GALNTL6: variants seen among roughly 807,000 people sequenced by gnomAD.
GALNTL6 encodes the protein polypeptide N-acetylgalactosaminyltransferase-like 6.
A neutral mutation model predicts 73.7 loss-of-function variants in GALNTL6; 46 were observed. The ratio of observed to expected loss-of-function variants is 0.62; its 90% CI spans 0.49 to 0.80. The LOEUF is 0.80. GALNTL6 is among the 30% of genes least tolerant of loss of function. The pLI, the probability that GALNTL6 is intolerant of heterozygous loss-of-function variation, is 0.00. For missense variants in GALNTL6, 604 were observed against 755.0 expected (o/e 0.80, Z 2.34); for synonymous variants, 259 against 263.7 (o/e 0.98, Z 0.17).
chr4:172,252,664 TATC>T (rs780926640), intron 3 of GALNTL6, among the ~76,000 whole-genome samples: 3 of 152,258 alleles, frequency 2.0e-5, no homozygotes, highest in South Asian at 4.1e-4. Context: ...CATGTCATCT[TATC>T]ATGGATGGAG....
chr4:172,895,676 C>T (rs1270704079), intron 8 of GALNTL6, among the ~76,000 whole-genome samples: 1 of 152,058 alleles, frequency 6.6e-6, no homozygotes, highest in Non-Finnish European at 1.5e-5. Context: ...GTTTGGAAAG[C>T]TCTTTGTTAT....
intron 2 of GALNTL6, among the ~76,000 whole-genome samples, chr4:172,141,997 C>T (rs571025028): frequency 6.6e-6 from 1 of 151,768 alleles, no homozygotes; most frequent in South Asian, 2.1e-4. Flanking sequence ...CTGAAAGAAT[C>T]AGTGTACACA....
At chr4:172,057,729 T>A (rs370935544) in intron 2 of GALNTL6, among the ~76,000 whole-genome samples, 152 of 72,274 alleles carry the variant, frequency 2.1e-3, no homozygotes, top group African/African-American at 8.6e-3. Flanking sequence ...AAAAAAAAAA[T>A]ATATATATAT....
intron 12 of GALNTL6, among the ~76,000 whole-genome samples, chr4:173,032,407 T>C (rs372732282): frequency 6.3e-4 from 94 of 149,164 alleles, no homozygotes; most frequent in East Asian, 3.5e-3. Context: ...GCCGAGATCG[T>C]GCCACTGCAC....
At position 172,753,968 on chromosome 4, in the gene GALNTL6, T is replaced by G. The variant is rs150098435; in HGVS notation, c.554-55393T>G. Among the ~76,000 whole-genome samples, 203 of 152,132 alleles carry G rather than the reference T, an allele frequency of 1.3e-3. 1 individual carries two copies. Among genetic ancestry groups the G allele is most frequent in the African/African-American group, 4.6e-3 (193 of 41,514 alleles). ...AGGTATAGGAGAGAGGAGGGAAGAATAGATTTGGGTTGAATTTAGAGATTC... is the reference window on the plus strand; with the variant it reads ...AGGTATAGGAGAGAGGAGGGAAGAAGAGATTTGGGTTGAATTTAGAGATTC... On this transcript the variant is annotated intron_variant, in intron 5 of 12. Transcript: ENST00000506823.
rs1196230839 is a variant in GALNTL6 at position 172,487,357 on chromosome 4, TC to T, written c.553+138670del. Among the ~76,000 whole-genome samples the T allele has an allele frequency of 2.2e-4, 24 of 110,526 alleles. No individual in the cohort carries two copies. In the East Asian group the frequency reaches 4.4e-3, roughly 20 times the overall value. 72.5% of individuals were successfully genotyped at this position (110,526 alleles called of 152,430 possible). ...TTCTTTCTTTCTTTCTTTCTTTCTT[TC>T]CTTCTTTCCTTCTTTTCTTTTCTTT... On this transcript the variant is annotated intron_variant, in intron 5 of 12. Transcript: ENST00000506823.
Position 172,171,917 on chromosome 4 carries a change from T to C in GALNTL6, c.139-57739T>C, listed in dbSNP as rs544827655. 1.1e-4 allele frequency among the ~76,000 whole-genome samples: 17 copies of C among 152,278 alleles called. 1 individual carries two copies. The South Asian group carries it at 3.5e-3, about 32-fold the overall frequency. ...GCCCCAAAAGTTTTGTAGCCATCCATGTAGCCCAGCTCAGAAGCAACACTC... is the reference window on the plus strand; with the variant it reads ...GCCCCAAAAGTTTTGTAGCCATCCACGTAGCCCAGCTCAGAAGCAACACTC... On this transcript the variant is annotated intron_variant, in intron 2 of 12. Coordinates refer to ENST00000506823, the MANE Select transcript of GALNTL6 (RefSeq NM_001034845.3).
intron 5 of GALNTL6, among the ~76,000 whole-genome samples, chr4:172,583,116 C>T (rs1239802736): frequency 6.6e-6 from 1 of 151,474 alleles, no homozygotes; most frequent in Admixed American, 6.6e-5. Context: ...CCTAACAAAA[C>T]CTCCCTGCCC....
intron 2 of GALNTL6, among the ~76,000 whole-genome samples, chr4:172,068,439 A>G (rs1731421146): frequency 9.1e-6 from 1 of 109,524 alleles, no homozygotes; most frequent in Admixed American, 9.5e-5. Context: ...TCTATGTTCT[A>G]ATCTCCAATT....
At chr4:172,242,596 C>T (rs1737482733) in intron 3 of GALNTL6, among the ~76,000 whole-genome samples, 5 of 152,052 alleles carry the variant, frequency 3.3e-5, no homozygotes, top group Admixed American at 3.3e-4. Flanking sequence ...CCACTATAAG[C>T]CTCAGGAATT....
intron 2 of GALNTL6, among the ~76,000 whole-genome samples, chr4:172,207,792 GTTAA>G (rs1342275580): frequency 1.3e-5 from 2 of 152,132 alleles, no homozygotes; most frequent in Non-Finnish European, 2.9e-5. Flanking sequence ...GACTAAATAA[GTTAA>G]TTAATGAAAA....
chr4:171,909,418 T>G (rs887650163), intron 2 of GALNTL6, among the ~76,000 whole-genome samples: 1 of 152,184 alleles, frequency 6.6e-6, no homozygotes, highest in African/African-American at 2.4e-5. Flanking sequence ...GGCTTTCACC[T>G]TGAAATGTGA....
chr4:172,478,934 G>A (rs537266050), intron 5 of GALNTL6, among the ~76,000 whole-genome samples: 3 of 152,150 alleles, frequency 2.0e-5, no homozygotes, highest in Non-Finnish European at 4.4e-5. Context: ...CTAGTTATCA[G>A]GGAAATGTAA....
chr4:172,441,827 G>GTA (rs1483818950), intron 5 of GALNTL6, among the ~76,000 whole-genome samples: 1 of 152,114 alleles, frequency 6.6e-6, no homozygotes, highest in East Asian at 1.9e-4. Context: ...CTACAGTAAC[G>GTA]TGTATGGTGT....
intron 3 of GALNTL6, among the ~76,000 whole-genome samples, chr4:172,272,107 C>T (rs1738678126): frequency 6.6e-6 from 1 of 152,000 alleles, no homozygotes. Flanking sequence ...TATGCGCCAC[C>T]ACGCCCAGAT....
intron 2 of GALNTL6, among the ~76,000 whole-genome samples, chr4:172,095,916 T>C (rs1732339182): frequency 6.6e-6 from 1 of 151,994 alleles, no homozygotes; most frequent in African/African-American, 2.4e-5. Flanking sequence ...TTTAATATTA[T>C]TTTGAAATTG....
At chr4:172,597,658 A>T (rs1304330171) in intron 5 of GALNTL6, among the ~76,000 whole-genome samples, 1 of 152,154 alleles carries the variant, frequency 6.6e-6, no homozygotes, top group Non-Finnish European at 1.5e-5. Context: ...ATCCTTAGAG[A>T]CTTCATAATG....
At chr4:172,148,946 A>C (rs1469455867) in intron 2 of GALNTL6, among the ~76,000 whole-genome samples, 2 of 152,190 alleles carry the variant, frequency 1.3e-5, no homozygotes, top group African/African-American at 4.8e-5. Context: ...TTCTGTGGCC[A>C]CAGTATGATT....
At chr4:172,988,325 G>T (rs1288613840) in intron 10 of GALNTL6, among the ~76,000 whole-genome samples, 2 of 152,174 alleles carry the variant, frequency 1.3e-5, no homozygotes. Context: ...GTGGAACTTT[G>T]AACTTGAGAG....
Sources: allele counts gnomAD v4.1 joint callset (sites outside exome capture counted in the v4.1 genomes callset), GRCh38; gene constraint gnomAD v4.1.1; transcripts MANE v1.5; gene names NCBI Gene and HGNC (gene_info 2026-07-23, HGNC 2026-07-21).